The following OPCML variants were observed in gnomAD, a reference collection of about 807,000 sequenced individuals.
The protein encoded by OPCML is opioid binding protein/cell adhesion molecule like, also known as opioid-binding protein/cell adhesion molecule.
A neutral mutation model predicts 37.8 loss-of-function variants in OPCML; 13 were observed. That is an observed-to-expected ratio of 0.34 (90% confidence interval 0.22 to 0.55). The LOEUF (loss-of-function observed/expected upper bound fraction) is 0.55. Ranked by LOEUF, OPCML falls within the 20% of genes least tolerant of loss-of-function variation. The pLI is 0.91. For synonymous variants in OPCML, 176 were observed against 168.8 expected (o/e 1.04, Z -0.33); for missense variants, 341 against 435.6 (o/e 0.78, Z 1.93).
intron 2 of OPCML, among the ~76,000 whole-genome samples, chr11:132,662,538 G>A (rs1410548740): frequency 1.3e-5 from 2 of 152,040 alleles, no homozygotes. Flanking sequence ...CCTGCCCTAT[G>A]AAACTACACC....
At chr11:132,964,923 C>T (rs1157122117) in intron 1 of OPCML, among the ~76,000 whole-genome samples, 2 of 152,238 alleles carry the variant, frequency 1.3e-5, no homozygotes, top group Non-Finnish European at 1.5e-5. Flanking sequence ...TGGATTCAGA[C>T]CTAGGTCATT....
chr11:132,710,279 T>G (rs1944208036), intron 2 of OPCML, among the ~76,000 whole-genome samples: 1 of 152,186 alleles, frequency 6.6e-6, no homozygotes, highest in Admixed American at 6.5e-5. Flanking sequence ...AAAAAATCTA[T>G]GATAGAATAT....
In OPCML at chr11:133,194,244, T is replaced by C. The variant is rs192688185; in HGVS notation, c.62-251234A>G. On this transcript the variant is annotated intron_variant, in intron 1 of 7. Coordinates refer to ENST00000524381, the MANE Select transcript of OPCML (RefSeq NM_001012393.5). ...TTTTTTTTGAGATGGAGTTTCACTC[T>C]GGTTGCCCAGGCTGGAGTGCAATAG... Among the ~76,000 whole-genome samples, 33 of 143,560 alleles carry C rather than the reference T, an allele frequency of 2.3e-4. No individual in the cohort carries two copies. In the South Asian group the frequency reaches 2.3e-3, roughly 10 times the overall value. The allele number at this position is 143,560 out of a possible 152,430, so 94.2% of individuals were successfully genotyped here. A position where few individuals can be genotyped will look rare whatever the true frequency, so the allele number is the denominator to read the frequency against.
At chr11:133,466,683 C>A (rs939417652) in intron 1 of OPCML, among the ~76,000 whole-genome samples, 2 of 152,168 alleles carry the variant, frequency 1.3e-5, no homozygotes, top group Non-Finnish European at 2.9e-5. Flanking sequence ...ACAAAAAATA[C>A]ATTTCTTCAT....
At chr11:133,512,453 T>G (rs1410247603) in intron 1 of OPCML, among the ~76,000 whole-genome samples, 1 of 152,214 alleles carries the variant, frequency 6.6e-6, no homozygotes, top group Non-Finnish European at 1.5e-5. Context: ...TCTTCAACAA[T>G]CCAGAAGCTC....
At chr11:133,412,028 T>C (rs1229662730) in intron 1 of OPCML, among the ~76,000 whole-genome samples, 1 of 152,164 alleles carries the variant, frequency 6.6e-6, no homozygotes, top group Non-Finnish European at 1.5e-5. Flanking sequence ...ATGGTGGTAA[T>C]CAGAGTTCCA....
chr11:132,500,645 G>A (rs189383003), intron 4 of OPCML, among the ~76,000 whole-genome samples: 15 of 152,228 alleles, frequency 9.9e-5, no homozygotes, highest in African/African-American at 3.4e-4. Context: ...GTGCCATGGT[G>A]GTTTGCTGCA....
intron 1 of OPCML, among the ~76,000 whole-genome samples, chr11:133,259,874 A>G (rs1441190104): frequency 6.6e-6 from 1 of 152,084 alleles, no homozygotes; most frequent in African/African-American, 2.4e-5. Flanking sequence ...TCTAGGCACT[A>G]CTCTCAGATT....
intron 1 of OPCML, chr11:133,360,273 C>T (rs1944383979): frequency 6.6e-6 from 1 of 152,220 alleles, no homozygotes; most frequent in African/African-American, 2.4e-5. Context: ...CTCTTTTCTT[C>T]CTACTACATC....
intron 1 of OPCML, among the ~76,000 whole-genome samples, chr11:133,306,522 G>C (rs1942923580): frequency 6.6e-6 from 1 of 152,050 alleles, no homozygotes; most frequent in South Asian, 2.1e-4. Flanking sequence ...GAACATATGG[G>C]GCAACTTAGC....
chr11:133,370,434 G>A (rs1944647011), intron 1 of OPCML, among the ~76,000 whole-genome samples: 1 of 148,272 alleles, frequency 6.7e-6, no homozygotes, highest in Non-Finnish European at 1.5e-5. Flanking sequence ...AATAATGAAT[G>A]AGCCTAGATA....
intron 1 of OPCML, among the ~76,000 whole-genome samples, chr11:133,267,562 T>C (rs1248529472): frequency 1.3e-5 from 2 of 152,196 alleles, no homozygotes; most frequent in Non-Finnish European, 2.9e-5. Context: ...ATAATGGAAT[T>C]TTATCAAATA....
intron 1 of OPCML, among the ~76,000 whole-genome samples, chr11:133,505,066 G>T (rs191346736): frequency 6.6e-6 from 1 of 152,230 alleles, no homozygotes; most frequent in Admixed American, 6.5e-5. Context: ...GCACTGAGGC[G>T]ATCGCAGGCT....
chr11:132,910,504 G>T (rs1036389460), intron 2 of OPCML, among the ~76,000 whole-genome samples: 4 of 152,178 alleles, frequency 2.6e-5, no homozygotes, highest in African/African-American at 9.7e-5. Flanking sequence ...TGCAAATGGC[G>T]CACAACCCTG....
At chr11:133,042,733 G>A (rs749813539) in intron 1 of OPCML, among the ~76,000 whole-genome samples, 1 of 152,120 alleles carries the variant, frequency 6.6e-6, no homozygotes, top group African/African-American at 2.4e-5. Flanking sequence ...GTTTCCAAAC[G>A]TTATCGGAGG....
intron 2 of OPCML, among the ~76,000 whole-genome samples, chr11:132,883,816 G>A (rs113718285): frequency 8.5e-5 from 13 of 152,172 alleles, no homozygotes; most frequent in African/African-American, 2.4e-4. Flanking sequence ...GGGAGATTTC[G>A]CAAATTGCCC....
intron 3 of OPCML, among the ~76,000 whole-genome samples, chr11:132,563,521 G>A (rs1426141995): frequency 6.6e-6 from 1 of 151,816 alleles, no homozygotes; most frequent in African/African-American, 2.4e-5. Context: ...TTTGCAACTA[G>A]ATAGAGGTGG....
At chr11:133,354,435 A>G (rs572997411) in intron 1 of OPCML, among the ~76,000 whole-genome samples, 1 of 152,162 alleles carries the variant, frequency 6.6e-6, no homozygotes, top group African/African-American at 2.4e-5. Flanking sequence ...CAACAACCCT[A>G]TAAAGGAGAT....
At position 133,524,516 on chromosome 11, in the gene OPCML, G is replaced by A. The variant is rs192938951; in HGVS notation, c.61+7748C>T. Among the ~76,000 whole-genome samples the A allele has an allele frequency of 2.0e-4, 31 of 152,226 alleles. No individual in the cohort carries two copies. In the East Asian group the frequency reaches 4.4e-3, roughly 22 times the overall value. On this transcript the variant is annotated intron_variant, in intron 1 of 7. Coordinates refer to ENST00000524381, the MANE Select transcript of OPCML (RefSeq NM_001012393.5). ...CCTGACTCTAAATTTCAAATAACTGGGGCCATTTCAGCAGACACCCTGATT... is the reference window on the plus strand; with the variant it reads ...CCTGACTCTAAATTTCAAATAACTGAGGCCATTTCAGCAGACACCCTGATT...
Sources: allele counts gnomAD v4.1 joint callset (sites outside exome capture counted in the v4.1 genomes callset), GRCh38; gene constraint gnomAD v4.1.1; transcripts MANE v1.5; gene names NCBI Gene and HGNC (gene_info 2026-07-23, HGNC 2026-07-21).